The following FAM168A variants were observed in gnomAD, a reference collection of about 807,000 sequenced individuals.
The protein encoded by FAM168A is protein FAM168A.
In FAM168A, 3 loss-of-function variants were observed where a neutral mutation model predicts 28.5. The observed-to-expected ratio is 0.11, with a 90% confidence interval of 0.05 to 0.27. The LOEUF (loss-of-function observed/expected upper bound fraction) is 0.27, where lower values mean the gene tolerates loss of function less well. Among genes scored for constraint, FAM168A ranks in the 10% least tolerant of loss-of-function variants. The probability of loss-of-function intolerance (pLI) is 1.00; values close to 1 mark genes in which losing one functional copy is unlikely to be tolerated. For synonymous variants in FAM168A, 122 were observed against 124.2 expected (o/e 0.98, Z 0.12); for missense variants, 222 against 311.5 (o/e 0.71, Z 2.16).
At chr11:73,580,384 T>C (rs1394365687) in intron 1 of FAM168A, 2 of 614,108 alleles carry the variant, frequency 3.3e-6, no homozygotes, top group Admixed American at 3.7e-5. Flanking sequence ...AAAAAGCCCC[T>C]GCAAAGAAGG....
chr11:73,507,602 T>C (rs1437177888), intron 1 of FAM168A, among the ~76,000 whole-genome samples: 1 of 151,836 alleles, frequency 6.6e-6, no homozygotes, highest in African/African-American at 2.4e-5. Context: ...CCTATGTGTG[T>C]AATCTTGAAC....
At chr11:73,530,959 T>G (rs1433502527) in intron 1 of FAM168A, among the ~76,000 whole-genome samples, 2 of 152,302 alleles carry the variant, frequency 1.3e-5, no homozygotes, top group East Asian at 3.9e-4. Flanking sequence ...AAACACCTAT[T>G]CTGCATCTGG....
intron 1 of FAM168A, among the ~76,000 whole-genome samples, chr11:73,474,342 A>T (rs1050074782): frequency 6.6e-6 from 1 of 150,988 alleles, no homozygotes; most frequent in Admixed American, 6.6e-5. Context: ...TTTTTTTTTT[A>T]AAGATATGGG....
chr11:73,448,623 T>C (rs949142033), intron 2 of FAM168A, among the ~76,000 whole-genome samples: 4 of 152,228 alleles, frequency 2.6e-5, no homozygotes, highest in African/African-American at 9.6e-5. Context: ...AATAGCCACG[T>C]GGCCCAGTTC....
At chr11:73,572,888 ATAAATAAT>A (rs928295010) in intron 1 of FAM168A, among the ~76,000 whole-genome samples, 5 of 152,286 alleles carry the variant, frequency 3.3e-5, no homozygotes, top group African/African-American at 1.2e-4. Flanking sequence ...AAATAAATAA[ATAAATAAT>A]TAATTAAACA....
At chr11:73,493,083 G>A (rs1463627184) in intron 1 of FAM168A, among the ~76,000 whole-genome samples, 2 of 151,944 alleles carry the variant, frequency 1.3e-5, no homozygotes, top group Non-Finnish European at 2.9e-5. Context: ...TCACTACCTG[G>A]GTGACAGGAT....
intron 1 of FAM168A, among the ~76,000 whole-genome samples, chr11:73,595,322 C>T (rs1253404687): frequency 1.3e-5 from 2 of 152,120 alleles, no homozygotes; most frequent in African/African-American, 2.4e-5. Context: ...ATAAGTCCAA[C>T]GTTCCATCAT....
At chr11:73,570,697 G>A (rs902903030) in intron 1 of FAM168A, among the ~76,000 whole-genome samples, 2 of 149,238 alleles carry the variant, frequency 1.3e-5, no homozygotes, top group African/African-American at 5.0e-5. Context: ...TCACGTCACT[G>A]TACTCCAGCC....
intron 2 of FAM168A, among the ~76,000 whole-genome samples, chr11:73,446,505 GTC>G (rs1474756339): frequency 5.9e-5 from 9 of 152,134 alleles, no homozygotes; most frequent in Admixed American, 3.9e-4. Flanking sequence ...AAAAGGAAAG[GTC>G]TCTGACACAC....
intron 1 of FAM168A, among the ~76,000 whole-genome samples, chr11:73,520,890 A>G (rs943855535): frequency 2.6e-5 from 4 of 151,894 alleles, no homozygotes; most frequent in Non-Finnish European, 5.9e-5. Flanking sequence ...TCCCCCAAAG[A>G]AAATGGAAAT....
At chr11:73,409,333 T>C (rs748332855) in intron 6 of FAM168A, among the ~76,000 whole-genome samples, 154 bp downstream of exon 6, 5 of 152,162 alleles carry the variant, frequency 3.3e-5, no homozygotes, top group African/African-American at 9.7e-5. Context: ...CTCATCCCCA[T>C]AGACAGATTT....
chr11:73,519,878 T>C (rs1943354754), intron 1 of FAM168A, among the ~76,000 whole-genome samples: 1 of 151,502 alleles, frequency 6.6e-6, no homozygotes, highest in South Asian at 2.1e-4. Context: ...CCCAGACTGG[T>C]CTCAAACTCC....
At chr11:73,526,525 A>T (rs2134658094) in intron 1 of FAM168A, among the ~76,000 whole-genome samples, 1 of 152,250 alleles carries the variant, frequency 6.6e-6, no homozygotes, top group South Asian at 2.1e-4. Flanking sequence ...ACAATAACAA[A>T]AATCATTAAG....
intron 2 of FAM168A, among the ~76,000 whole-genome samples, chr11:73,459,575 C>T (rs1867606093): frequency 6.6e-6 from 1 of 151,844 alleles, no homozygotes; most frequent in Non-Finnish European, 1.5e-5. Flanking sequence ...TTTTAAAAGT[C>T]AAATGTCCTG....
intron 1 of FAM168A, among the ~76,000 whole-genome samples, chr11:73,512,685 CT>C (rs1157375875): frequency 6.6e-6 from 1 of 151,792 alleles, no homozygotes; most frequent in Non-Finnish European, 1.5e-5. Flanking sequence ...AAAATCTGTG[CT>C]TTTAACCACT....
At chr11:73,566,775 T>C (rs1944024795) in intron 1 of FAM168A, among the ~76,000 whole-genome samples, 1 of 152,326 alleles carries the variant, frequency 6.6e-6, no homozygotes. Flanking sequence ...CAAGACATAT[T>C]ACAAATTATT....
intron 1 of FAM168A, among the ~76,000 whole-genome samples, chr11:73,489,975 CTCTCAAAGCCCCCTTA>C (rs1868106746): frequency 6.6e-6 from 1 of 152,148 alleles, no homozygotes; most frequent in South Asian, 2.1e-4. Context: ...TCTCCATACA[CTCTCAAAGCCCCCTTA>C]TCTAATTGCA....
chr11:73,558,577 C>G (rs1943917144), intron 1 of FAM168A, among the ~76,000 whole-genome samples: 1 of 144,422 alleles, frequency 6.9e-6, no homozygotes, highest in African/African-American at 2.6e-5. Flanking sequence ...ATATAAGGAA[C>G]TTTTATAATT....
At chr11:73,412,795 T>C (rs1179683294) in intron 4 of FAM168A, among the ~76,000 whole-genome samples, 2 of 152,316 alleles carry the variant, frequency 1.3e-5, no homozygotes, top group South Asian at 2.1e-4. Context: ...CAGACCTCAC[T>C]GAACCTCTCT....
Sources: gnomAD v4.1 joint callset for allele counts (sites outside exome capture counted in the v4.1 genomes callset) on GRCh38, gnomAD v4.1.1 for gene constraint, MANE v1.5 for transcripts, NCBI Gene and HGNC (gene_info 2026-07-23, HGNC 2026-07-21) for gene names.